Variants in PPM1H observed in about 807,000 individuals in gnomAD.
PPM1H encodes the protein protein phosphatase 1H.
Under a neutral mutation model 54.9 loss-of-function variants are expected in PPM1H, and 27 were observed. That is an observed-to-expected ratio of 0.49 (90% CI 0.36 to 0.68). The LOEUF is 0.68. Ranked by LOEUF, PPM1H falls within the 30% of genes least tolerant of loss-of-function variation. The pLI is 0.00. For synonymous variants in PPM1H, 305 were observed against 270.8 expected, an observed-to-expected ratio of 1.13 and a Z score of -1.24; for missense variants, 596 against 667.8, an observed-to-expected ratio of 0.89 and a Z score of 1.19.
intron 1 of PPM1H, among the ~76,000 whole-genome samples, chr12:62,838,883 T>C (rs1464009880): frequency 1.3e-5 from 1 of 77,440 alleles, no homozygotes; most frequent in African/African-American, 7.1e-5. Flanking sequence ...ATCGCGCCAC[T>C]GCACTCCAGC....
At chr12:62,691,755 C>T (rs1320456111) in intron 7 of PPM1H, among the ~76,000 whole-genome samples, 3 of 149,392 alleles carry the variant, frequency 2.0e-5, no homozygotes, top group Non-Finnish European at 4.4e-5. Context: ...CCTGGGATGT[C>T]GAGCCTGAAG....
chr12:62,908,040 G>T (rs546202694), intron 1 of PPM1H, among the ~76,000 whole-genome samples: 32 of 152,314 alleles, frequency 2.1e-4, no homozygotes, highest in African/African-American at 6.7e-4. Context: ...AGATTAAAAA[G>T]TATTGACGAT....
At chr12:62,879,194 T>G (rs1870301910) in intron 1 of PPM1H, among the ~76,000 whole-genome samples, 1 of 152,236 alleles carries the variant, frequency 6.6e-6, no homozygotes, top group Non-Finnish European at 1.5e-5. Context: ...ATTTTCCTTC[T>G]CTATCCTCCT....
intron 4 of PPM1H, among the ~76,000 whole-genome samples, chr12:62,764,934 C>T (rs552694962): frequency 5.9e-5 from 9 of 152,318 alleles, no homozygotes; most frequent in African/African-American, 1.7e-4. Context: ...CAAAGCCATG[C>T]GTGCCGCTTA....
intron 1 of PPM1H, among the ~76,000 whole-genome samples, chr12:62,842,274 A>G (rs967245299): frequency 6.6e-6 from 1 of 152,174 alleles, no homozygotes; most frequent in Non-Finnish European, 1.5e-5. Context: ...TAAAGATCAG[A>G]TTTTGTTTTA....
chr12:62,905,810 A>G (rs574493014), intron 1 of PPM1H, among the ~76,000 whole-genome samples: 22 of 152,332 alleles, frequency 1.4e-4, no homozygotes, highest in East Asian at 9.6e-4. Context: ...CCTAGGAGAT[A>G]ATACCCCTTC....
intron 8 of PPM1H, among the ~76,000 whole-genome samples, chr12:62,674,903 C>G (rs1158180087): frequency 6.6e-6 from 1 of 152,118 alleles, no homozygotes; most frequent in Non-Finnish European, 1.5e-5. Flanking sequence ...CTCCAATCTC[C>G]CCTGTCTCTG....
intron 4 of PPM1H, among the ~76,000 whole-genome samples, chr12:62,761,343 A>G (rs2076507461): frequency 6.6e-6 from 1 of 152,222 alleles, no homozygotes; most frequent in Non-Finnish European, 1.5e-5. Context: ...TGCAGAGTGT[A>G]ATTTCCCTGG....
chr12:62,914,955 T>C (rs1377086666), intron 1 of PPM1H, among the ~76,000 whole-genome samples: 1 of 152,198 alleles, frequency 6.6e-6, no homozygotes, highest in Non-Finnish European at 1.5e-5. Context: ...TACTTCACCC[T>C]TCATCTGTTT....
At chr12:62,732,999 G>C (rs2120508898) in intron 5 of PPM1H, among the ~76,000 whole-genome samples, 1 of 152,222 alleles carries the variant, frequency 6.6e-6, no homozygotes, top group Middle Eastern at 3.4e-3. Context: ...TAATGAATCA[G>C]TAGGATTACA....
intron 4 of PPM1H, among the ~76,000 whole-genome samples, chr12:62,739,301 T>G (rs2076368785): frequency 6.6e-6 from 1 of 152,186 alleles, no homozygotes; most frequent in African/African-American, 2.4e-5. Context: ...TCAGTGTGAA[T>G]TAATTCCAAT....
At chr12:62,913,113 C>T in intron 1 of PPM1H, among the ~76,000 whole-genome samples, 1 of 151,948 alleles carries the variant, frequency 6.6e-6, no homozygotes, top group Middle Eastern at 3.2e-3. Context: ...CTTCAAGTTC[C>T]AAAGAAAGTG....
In PPM1H at chr12:62,762,616, C is replaced by A. The variant is rs533063049; in HGVS notation, c.870-25030G>T. 1.6e-4 allele frequency among the ~76,000 whole-genome samples: 24 copies of A among 152,326 alleles called. No individual in the cohort carries two copies. The South Asian group carries it at 5.0e-3, about 32-fold the overall frequency. ...AGGGGGAGGATGCTAAGTGAAGATG[C>A]TATACAATCTGCATCCTTTTTACAA... On this transcript the variant is annotated intron_variant, in intron 4 of 9. Coordinates refer to ENST00000228705, the MANE Select transcript of PPM1H (RefSeq NM_020700.2).
intron 1 of PPM1H, among the ~76,000 whole-genome samples, chr12:62,862,574 C>T (rs542560052): frequency 6.6e-6 from 1 of 152,114 alleles, no homozygotes; most frequent in African/African-American, 2.4e-5. Flanking sequence ...ATTGAAAAAA[C>T]TTGGAATAAA....
intron 1 of PPM1H, among the ~76,000 whole-genome samples, chr12:62,889,864 T>A (rs1418911228): frequency 6.6e-6 from 1 of 152,180 alleles, no homozygotes; most frequent in African/African-American, 2.4e-5. Context: ...GCCTTGAGTT[T>A]GGCAATGAGT....
At chr12:62,689,007 C>T (rs1317930772) in intron 8 of PPM1H, among the ~76,000 whole-genome samples, 1 of 152,036 alleles carries the variant, frequency 6.6e-6, no homozygotes, top group Non-Finnish European at 1.5e-5. Flanking sequence ...AAATACAAAA[C>T]AAAACAAAAC....
At chr12:62,655,287 C>CATCT (rs992745368) in intron 9 of PPM1H, among the ~76,000 whole-genome samples, 5 of 152,146 alleles carry the variant, frequency 3.3e-5, no homozygotes, top group African/African-American at 1.2e-4. Flanking sequence ...CATTTGCATC[C>CATCT]ATCTTCGGAG....
At chr12:62,703,987 TG>T (rs1221930555) in intron 6 of PPM1H, among the ~76,000 whole-genome samples, 1 of 149,958 alleles carries the variant, frequency 6.7e-6, no homozygotes, top group African/African-American at 2.5e-5. Context: ...TGTGTGTGTG[TG>T]TGTGTGTGTG....
intron 2 of PPM1H, among the ~76,000 whole-genome samples, chr12:62,814,910 A>G (rs1422473544): frequency 1.3e-5 from 2 of 152,222 alleles, no homozygotes; most frequent in East Asian, 3.8e-4. Flanking sequence ...TTTGATTTCC[A>G]CAAACTTTCT....
Sources: allele counts gnomAD v4.1 joint callset (sites outside exome capture counted in the v4.1 genomes callset), GRCh38; gene constraint gnomAD v4.1.1; transcripts MANE v1.5; gene names NCBI Gene and HGNC (gene_info 2026-07-23, HGNC 2026-07-21).